Variants in FBXO10 observed in about 807,000 individuals in gnomAD.
FBXO10 encodes the protein F-box only protein 10.
FBXO10 carries 39 observed loss-of-function variants against 80.7 expected under a neutral mutation model. The observed-to-expected ratio is 0.48, with a 90% CI of 0.37 to 0.63. The LOEUF is 0.63. Among genes scored for constraint, FBXO10 ranks in the 30% least tolerant of loss-of-function variants. FBXO10 has a pLI of 0.00. For missense variants in FBXO10, 1,025 were observed against 1,269.0 expected (o/e 0.81, Z 2.92); for synonymous variants, 449 against 489.6 (o/e 0.92, Z 1.09).
intron 1 of FBXO10, among the ~76,000 whole-genome samples, chr9:37,553,318 C>A (rs553328861): frequency 6.6e-6 from 1 of 152,076 alleles, no homozygotes; most frequent in Non-Finnish European, 1.5e-5. Context: ...GGATTACAGG[C>A]GTGAGCCACC....
chr9:37,517,992 T>C, intron 9 of FBXO10, 133 bp downstream of exon 9: 1 of 957,272 alleles, frequency 1.0e-6, no homozygotes. Context: ...CCAGGCTGAG[T>C]CCTGGCAGGA....
intron 1 of FBXO10, among the ~76,000 whole-genome samples, chr9:37,552,690 TCAA>T (rs1223713406): frequency 2.2e-5 from 1 of 45,410 alleles, no homozygotes; most frequent in Non-Finnish European, 3.8e-5. Context: ...AGACTCCATA[TCAA>T]AAAAAAAAAA....
intron 5 of FBXO10, among the ~76,000 whole-genome samples, chr9:37,527,363 T>C (rs1015061901): frequency 1.3e-5 from 2 of 152,202 alleles, no homozygotes; most frequent in African/African-American, 4.8e-5. Context: ...ATTCTGCCTA[T>C]CATGCTTGGC....
At chr9:37,567,371 C>T (rs566694325) in intron 1 of FBXO10, among the ~76,000 whole-genome samples, 62 of 151,650 alleles carry the variant, frequency 4.1e-4, no homozygotes, top group Admixed American at 1.1e-3. Flanking sequence ...TCTCAAAGTC[C>T]TGGGCTCAAG....
chr9:37,542,605 A>AG (rs1361999713), intron 1 of FBXO10, among the ~76,000 whole-genome samples: 1 of 151,718 alleles, frequency 6.6e-6, no homozygotes, highest in Non-Finnish European at 1.5e-5. Context: ...TCAAAAAAAA[A>AG]AAAAAAAGGA....
At chr9:37,515,870 T>C (rs751870159) in intron 10 of FBXO10, 34 bp downstream of exon 10, 2 of 1,600,908 alleles carry the variant, frequency 1.2e-6, no homozygotes, top group South Asian at 2.2e-5. Flanking sequence ...ACTGTGGCTC[T>C]AGAGGACTCG....
chr9:37,554,274 A>G (rs2119162460), intron 1 of FBXO10, among the ~76,000 whole-genome samples: 1 of 152,276 alleles, frequency 6.6e-6, no homozygotes, highest in Non-Finnish European at 1.5e-5. Flanking sequence ...TCTGTCCTCC[A>G]GTTCTAAAAC....
intron 1 of FBXO10, among the ~76,000 whole-genome samples, chr9:37,563,449 G>A (rs1822529944): frequency 1.3e-5 from 2 of 152,130 alleles, no homozygotes; most frequent in Non-Finnish European, 2.9e-5. Flanking sequence ...GAAAAATGTG[G>A]GAAAGTCTGG....
chr9:37,518,912 T>TC (rs1449221433), intron 8 of FBXO10, among the ~76,000 whole-genome samples: 13 of 39,588 alleles, frequency 3.3e-4, no homozygotes, highest in Non-Finnish European at 6.1e-4. Context: ...GGGGAAATTT[T>TC]CTTTTTTTTT....
chr9:37,559,636 C>T (rs1436555146), intron 1 of FBXO10, among the ~76,000 whole-genome samples: 2 of 152,216 alleles, frequency 1.3e-5, no homozygotes, highest in Non-Finnish European at 2.9e-5. Flanking sequence ...CTCCTGAGGT[C>T]AAATGGGGCC....
intron 5 of FBXO10, among the ~76,000 whole-genome samples, chr9:37,526,463 C>A (rs1243677013): frequency 6.6e-6 from 1 of 152,150 alleles, no homozygotes; most frequent in African/African-American, 2.4e-5. Flanking sequence ...TATGATATTC[C>A]TCACCCAAAA....
At position 37,521,666 on chromosome 9, in the gene FBXO10, G is replaced by A. The variant is rs764273442; in HGVS notation, c.2103C>T (p.Ala701=). The A allele has an allele frequency of 6.2e-7, 1 of 1,613,966 alleles. No homozygotes were observed. Among genetic ancestry groups the A allele is most frequent in the Non-Finnish European group, 8.5e-7 (1 of 1,179,882 alleles). The change falls in exon 8 of 11, where the codon GCC becomes GCT. Residue 701 remains alanine (A), a synonymous_variant. Transcript: ENST00000432825. ...TCTCCAGCTCTGTCTCCCAGAGGATGGCGTCCCCATCCTCGCTGAAGTTCT... is the reference window on the plus strand; with the variant it reads ...TCTCCAGCTCTGTCTCCCAGAGGATAGCGTCCCCATCCTCGCTGAAGTTCT... ...AQENFSEDGD[A]ILWETELEKE... is the part of the protein sequence containing the mutation.
rs200914859 is a variant in FBXO10 at position 37,537,928 on chromosome 9, C to T, written c.601G>A (p.Val201Ile). Residue 201 changes from valine to isoleucine, a missense_variant, in exon 3 of 11, where the codon GTC (valine) becomes ATC (isoleucine). By Grantham distance (29) the Val-to-Ile change is conservative. This residue lies in a region of FBXO10 where 450 missense variants were observed against 499.4 expected (regional missense o/e 0.90). Transcript: ENST00000432825. ...TCAAAGTTGCAGTTGTCAAACTGGA[C>T]GTGACCTGATGTTGTCTGGGGAATG... is the stretch of plus-strand genomic sequence containing the variant. ...PIMYKTTSGH[V>I]QFDNCNFENG... 847 of 1,610,036 alleles carry T rather than the reference C, an allele frequency of 5.3e-4. 6 individuals carry two copies. Among genetic ancestry groups the T allele is most frequent in the South Asian group, 2.4e-3 (215 of 91,024 alleles).
chr9:37,537,136 C>T lies in FBXO10; in HGVS notation c.1393G>A (p.Ala465Thr). ...EGNIFRNLTYAVRCIHNSKII... is the reference protein window; with the variant it reads ...EGNIFRNLTYTVRCIHNSKII... ...TTGCTATTATGTATACACCGCACTGCGTAAGTCAGGTTCCGGAAGATGTTT... is the reference window on the plus strand; with the variant it reads ...TTGCTATTATGTATACACCGCACTGTGTAAGTCAGGTTCCGGAAGATGTTT... Residue 465 changes from alanine to threonine, a missense_variant, in exon 3 of 11, where the codon GCA becomes ACA. This residue lies in a region of FBXO10 where 478 missense variants were observed against 667.8 expected (regional missense o/e 0.72). Coordinates refer to ENST00000432825, the MANE Select transcript of FBXO10 (RefSeq NM_012166.3). 6.2e-7 allele frequency: 1 copy of T among 1,613,058 alleles called. No homozygotes were observed. Among genetic ancestry groups the T allele is most frequent in the Non-Finnish European group, 8.5e-7 (1 of 1,179,448 alleles).
intron 2 of FBXO10, among the ~76,000 whole-genome samples, chr9:37,539,349 C>T (rs980179419): frequency 2.6e-5 from 4 of 152,238 alleles, no homozygotes; most frequent in Admixed American, 2.0e-4. Flanking sequence ...GCTGTGAAAT[C>T]GCCTTGGCCT....
At chr9:37,515,794 G>A in intron 10 of FBXO10, 110 bp downstream of exon 10, 3 of 1,146,338 alleles carry the variant, frequency 2.6e-6, no homozygotes, top group Non-Finnish European at 3.8e-6. Flanking sequence ...TCGACAGCTG[G>A]CAGGGTTGCA....
intron 1 of FBXO10, among the ~76,000 whole-genome samples, chr9:37,575,324 A>C (rs2119216410): frequency 6.6e-6 from 1 of 152,374 alleles, no homozygotes; most frequent in East Asian, 1.9e-4. Context: ...AGGTCTTACA[A>C]ACCAAAACGG....
chr9:37,555,985 C>T (rs774007832), intron 1 of FBXO10, among the ~76,000 whole-genome samples: 12 of 152,026 alleles, frequency 7.9e-5, no homozygotes, highest in Admixed American at 6.6e-4. Context: ...TTCTATGATC[C>T]ATCATGAATT....
chr9:37,518,462 C>T, intron 8 of FBXO10, 24 bp from the exon 9 acceptor site: 4 of 1,550,886 alleles, frequency 2.6e-6, no homozygotes, highest in Non-Finnish European at 3.5e-6. Flanking sequence ...GGTTGGAAAG[C>T]ACAGGGGGTC....
Sources: allele counts gnomAD v4.1 joint callset (sites outside exome capture counted in the v4.1 genomes callset), GRCh38; gene constraint gnomAD v4.1.1; regional missense constraint gnomAD v4.1.1; transcripts MANE v1.5; gene names NCBI Gene and HGNC (gene_info 2026-07-23, HGNC 2026-07-21).